The following SAMD3 variants were observed in gnomAD, a reference collection of about 807,000 sequenced individuals.
The protein encoded by SAMD3 is sterile alpha motif domain-containing protein 3.
In SAMD3, 63 loss-of-function variants were observed where a neutral mutation model predicts 58.5. That is an observed-to-expected ratio of 1.08 (90% CI 0.88 to 1.33). SAMD3 has a LOEUF of 1.33. Ranked by LOEUF, SAMD3 falls within the 40% of genes most tolerant of loss-of-function variation. The probability of loss-of-function intolerance (pLI) is 0.00; values close to 1 mark genes in which losing one functional copy is unlikely to be tolerated. For missense variants in SAMD3, 604 were observed against 608.4 expected (o/e 0.99, Z 0.08); for synonymous variants, 220 against 210.3 (o/e 1.05, Z -0.40).
intron 1 of SAMD3, among the ~76,000 whole-genome samples, chr6:130,319,467 A>G (rs1440300768): frequency 1.3e-5 from 2 of 152,202 alleles, no homozygotes; most frequent in African/African-American, 4.8e-5. Context: ...AAACAATGCA[A>G]ACTAGACAAC....
At chr6:130,344,075 GC>G (rs1439432811) in intron 1 of SAMD3, among the ~76,000 whole-genome samples, 1 of 152,066 alleles carries the variant, frequency 6.6e-6, no homozygotes, top group East Asian at 1.9e-4. Context: ...AGGGACAAAA[GC>G]TTTTCTGGCT....
chr6:130,179,836 G>A (rs1411372315), intron 7 of SAMD3, among the ~76,000 whole-genome samples: 1 of 105,678 alleles, frequency 9.5e-6, no homozygotes, highest in East Asian at 3.1e-4. Flanking sequence ...TTTTGGAGAT[G>A]AAGTCTCGCT....
At chr6:130,277,173 T>C (rs1165408173) in intron 2 of SAMD3, among the ~76,000 whole-genome samples, 1 of 152,234 alleles carries the variant, frequency 6.6e-6, no homozygotes, top group Non-Finnish European at 1.5e-5. Context: ...GCCTACATCT[T>C]AGGCATAATT....
upstream of SAMD3, among the ~76,000 whole-genome samples, chr6:130,224,348 C>T (rs1040825015): frequency 6.6e-6 from 1 of 151,928 alleles, no homozygotes; most frequent in African/African-American, 2.4e-5. Context: ...TTCTCACTTA[C>T]GTCCATGGGT....
At chr6:130,263,551 C>A (rs1293814338) in intron 2 of SAMD3, among the ~76,000 whole-genome samples, 1 of 152,162 alleles carries the variant, frequency 6.6e-6, no homozygotes, top group Admixed American at 6.5e-5. Flanking sequence ...GCCATAGTCC[C>A]AGGGGAAAAC....
At chr6:130,176,136 T>C in intron 7 of SAMD3, 128 bp from the exon 8 acceptor site, 1 of 746,368 alleles carries the variant, frequency 1.3e-6, no homozygotes, top group Non-Finnish European at 2.4e-6. Flanking sequence ...ATCATGGTAA[T>C]AGAAACAATA....
chr6:130,329,539 A>G (rs1390674855), intron 1 of SAMD3, among the ~76,000 whole-genome samples: 1 of 152,190 alleles, frequency 6.6e-6, no homozygotes, highest in Non-Finnish European at 1.5e-5. Context: ...CAGAAATACC[A>G]TTTGACCCAG....
intron 2 of SAMD3, among the ~76,000 whole-genome samples, chr6:130,250,698 C>A (rs1773708918): frequency 6.6e-6 from 1 of 152,138 alleles, no homozygotes; most frequent in African/African-American, 2.4e-5. Flanking sequence ...AATATGTGGT[C>A]CTTTGTGTCT....
intron 1 of SAMD3, among the ~76,000 whole-genome samples, chr6:130,347,543 A>G (rs1777494615): frequency 6.6e-6 from 1 of 152,158 alleles, no homozygotes. Flanking sequence ...AATAAGAAGA[A>G]ATGAACAAAG....
At chr6:130,298,789 C>T (rs1775653021) in intron 2 of SAMD3, among the ~76,000 whole-genome samples, 1 of 152,018 alleles carries the variant, frequency 6.6e-6, no homozygotes, top group East Asian at 1.9e-4. Flanking sequence ...GGAGAAAGAT[C>T]AATCACACAA....
chr6:130,156,959 A>G (rs1230002184), intron 8 of SAMD3, among the ~76,000 whole-genome samples: 1 of 151,998 alleles, frequency 6.6e-6, no homozygotes, highest in African/African-American at 2.4e-5. Context: ...AATCCCAGCT[A>G]CCCGGGGGAC....
intron 2 of SAMD3, among the ~76,000 whole-genome samples, chr6:130,301,687 A>G (rs1041790650): frequency 6.6e-6 from 1 of 152,218 alleles, no homozygotes; most frequent in Non-Finnish European, 1.5e-5. Flanking sequence ...AAACTATACC[A>G]TATGGCTATG....
chr6:130,288,120 G>A lies in SAMD3; in HGVS notation c.-188+24858C>T, dbSNP rs1056468179. ...TGAGGTTCCCAAGAAAGTAGATGAGGATGTGTATGAGTCAGAGTACTCTAG... is the reference window on the plus strand; with the variant it reads ...TGAGGTTCCCAAGAAAGTAGATGAGAATGTGTATGAGTCAGAGTACTCTAG... On this transcript the variant is annotated intron_variant, in intron 2 of 13. Transcript: ENST00000368134. Among the ~76,000 whole-genome samples the A allele has an allele frequency of 8.5e-5, 13 of 152,230 alleles. No individual in the cohort carries two copies. The East Asian group carries it at 2.1e-3, about 25-fold the overall frequency.
intron 2 of SAMD3, among the ~76,000 whole-genome samples, chr6:130,276,825 C>G (rs953678711): frequency 6.6e-6 from 1 of 151,952 alleles, no homozygotes; most frequent in Non-Finnish European, 1.5e-5. Context: ...TGGATAATAT[C>G]ATGGGTAGAA....
intron 5 of SAMD3, among the ~76,000 whole-genome samples, chr6:130,193,401 C>T (rs1414050809): frequency 5.9e-5 from 9 of 151,784 alleles, no homozygotes; most frequent in East Asian, 1.9e-4. Flanking sequence ...CCCTTATTTC[C>T]GTGCCCTGAC....
At chr6:130,230,075 G>T (rs1796499866) in intron 2 of SAMD3, among the ~76,000 whole-genome samples, 1 of 152,204 alleles carries the variant, frequency 6.6e-6, no homozygotes, top group Admixed American at 6.5e-5. Flanking sequence ...AATTTGTGGT[G>T]CAGAACAGGT....
intron 9 of SAMD3, 105 bp downstream of exon 9, chr6:130,154,709 AAAAAAAAAAAT>A (rs1190934432): frequency 4.8e-3 from 699 of 144,598 alleles, no homozygotes; most frequent in Middle Eastern, 0.013. Context: ...AAAAAAAAAA[AAAAAAAAAAAT>A]ATATATATAT....
At chr6:130,304,454 T>A (rs1775848280) in intron 2 of SAMD3, among the ~76,000 whole-genome samples, 1 of 152,154 alleles carries the variant, frequency 6.6e-6, no homozygotes, top group Non-Finnish European at 1.5e-5. Context: ...AGTGCCAAAT[T>A]TGTTCATAAA....
chr6:130,295,445 C>A (rs1390436890), intron 2 of SAMD3, among the ~76,000 whole-genome samples: 3 of 152,188 alleles, frequency 2.0e-5, no homozygotes, highest in Non-Finnish European at 4.4e-5. Flanking sequence ...CTAAATTTCT[C>A]TTGCGGTCAT....
Sources: gnomAD v4.1 joint callset for allele counts (sites outside exome capture counted in the v4.1 genomes callset) on GRCh38, gnomAD v4.1.1 for gene constraint, MANE v1.5 for transcripts, NCBI Gene and HGNC (gene_info 2026-07-23, HGNC 2026-07-21) for gene names.